The following EXT1 variants were observed in gnomAD, a reference collection of about 807,000 sequenced individuals.
The protein encoded by EXT1 is exostosin-1.
Under a neutral mutation model 82.5 loss-of-function variants are expected in EXT1, and 20 were observed. The observed-to-expected ratio is 0.24, with a 90% CI of 0.17 to 0.35. EXT1 has a LOEUF of 0.35. EXT1 is among the 10% of genes least tolerant of loss of function. EXT1 has a pLI of 1.00. For synonymous variants in EXT1, 348 were observed against 350.8 expected (o/e 0.99, Z 0.09); for missense variants, 757 against 936.5 (o/e 0.81, Z 2.50).
intron 1 of EXT1, among the ~76,000 whole-genome samples, chr8:117,930,093 G>A (rs1814023180): frequency 6.7e-6 from 1 of 149,206 alleles, no homozygotes; most frequent in Non-Finnish European, 1.5e-5. Context: ...AACAGAGAGA[G>A]ACTCCATCTC....
intron 9 of EXT1, among the ~76,000 whole-genome samples, chr8:117,806,284 T>C (rs796348345): frequency 6.6e-6 from 1 of 152,234 alleles, no homozygotes; most frequent in Non-Finnish European, 1.5e-5. Flanking sequence ...TTCTCCTCCC[T>C]GTTCAAACCC....
chr8:118,044,490 C>T (rs139792419), intron 1 of EXT1, among the ~76,000 whole-genome samples: 2 of 152,086 alleles, frequency 1.3e-5, no homozygotes, highest in African/African-American at 2.4e-5. Context: ...TCATTGCAAC[C>T]GCCACCTCCC....
chr8:117,811,340 C>T (rs559169894), intron 8 of EXT1, among the ~76,000 whole-genome samples: 10 of 152,280 alleles, frequency 6.6e-5, no homozygotes, highest in Admixed American at 3.9e-4. Context: ...TATTCCATAG[C>T]TGTCTTTCCC....
At chr8:117,827,383 T>C (rs976136385) in intron 4 of EXT1, among the ~76,000 whole-genome samples, 9 of 152,080 alleles carry the variant, frequency 5.9e-5, no homozygotes, top group African/African-American at 2.2e-4. Context: ...CACAATAGGA[T>C]GCATAATAGA....
chr8:118,059,294 T>C (rs1816845963), intron 1 of EXT1, among the ~76,000 whole-genome samples: 1 of 152,132 alleles, frequency 6.6e-6, no homozygotes, highest in South Asian at 2.1e-4. Flanking sequence ...AGCCAGGAAC[T>C]CTCATTTAAT....
In EXT1 at chr8:117,862,358, G is replaced by A. The variant is rs899919484; in HGVS notation, c.963-25157C>T. ...TTACAGAGATAGCCAAATGCAGAAG[G>A]TGAGGCTGCACCTCATCTCTAAAAG... On this transcript the variant is annotated intron_variant, in intron 1 of 10. Coordinates refer to ENST00000378204, the MANE Select transcript of EXT1 (RefSeq NM_000127.3). 1.4e-5 allele frequency among the ~76,000 whole-genome samples: 2 copies of A among 145,864 alleles called. 1 individual carries two copies. The highest frequency in any genetic ancestry group is 3.1e-5 in the Non-Finnish European group (2 of 64,886).
intron 1 of EXT1, among the ~76,000 whole-genome samples, chr8:118,098,690 C>T (rs187658065): frequency 3.4e-5 from 5 of 149,136 alleles, no homozygotes; most frequent in Non-Finnish European, 3.0e-5. Flanking sequence ...ACCCGGGAGG[C>T]GGAGCGTGCA....
chr8:117,974,653 G>C (rs958275702), intron 1 of EXT1, among the ~76,000 whole-genome samples: 2 of 152,088 alleles, frequency 1.3e-5, no homozygotes, highest in Non-Finnish European at 1.5e-5. Flanking sequence ...TTTTTATAGA[G>C]ACAGGGTTTC....
chr8:118,024,221 T>C (rs1357708316), intron 1 of EXT1, among the ~76,000 whole-genome samples: 1 of 152,204 alleles, frequency 6.6e-6, no homozygotes, highest in East Asian at 1.9e-4. Context: ...CCTTAATAAC[T>C]GCCAAGATTT....
At chr8:118,026,659 G>A (rs1816207909) in intron 1 of EXT1, among the ~76,000 whole-genome samples, 1 of 152,086 alleles carries the variant, frequency 6.6e-6, no homozygotes, top group Non-Finnish European at 1.5e-5. Flanking sequence ...CACAAATGCT[G>A]CTATAGTCAA....
Position 118,003,021 on chromosome 8 carries a change from G to GTA in EXT1, c.962+107062_962+107063dup, listed in dbSNP as rs113411522. Among the ~76,000 whole-genome samples the GTA allele has an allele frequency of 5.1e-3, 774 of 150,764 alleles. 5 individuals carry two copies. The highest frequency in any genetic ancestry group is 9.6e-3 in the South Asian group (46 of 4,790). ...CGAGTGGATAAAATGTTTTATATGT[G>GTA]TATATATATATATACACACACATAT... On this transcript the variant is annotated intron_variant, in intron 1 of 10. Coordinates refer to ENST00000378204, the MANE Select transcript of EXT1 (RefSeq NM_000127.3).
At chr8:118,000,094 C>A (rs144204197) in intron 1 of EXT1, among the ~76,000 whole-genome samples, 7 of 152,196 alleles carry the variant, frequency 4.6e-5, no homozygotes, top group East Asian at 1.9e-4. Flanking sequence ...CAAGCCCATG[C>A]GAGGTAAACT....
intron 1 of EXT1, among the ~76,000 whole-genome samples, chr8:117,889,457 A>T (rs1270014749): frequency 6.6e-6 from 1 of 152,186 alleles, no homozygotes; most frequent in East Asian, 1.9e-4. Context: ...TATAAGCACT[A>T]GACCATATTT....
At chr8:118,072,618 A>C (rs1323299997) in intron 1 of EXT1, among the ~76,000 whole-genome samples, 1 of 152,232 alleles carries the variant, frequency 6.6e-6, no homozygotes, top group Non-Finnish European at 1.5e-5. Flanking sequence ...ATAGGATGAG[A>C]TCGAAAGCAA....
chr8:117,879,484 T>C (rs1813025728), intron 1 of EXT1, among the ~76,000 whole-genome samples: 1 of 152,130 alleles, frequency 6.6e-6, no homozygotes, highest in Non-Finnish European at 1.5e-5. Flanking sequence ...CTACATTCTA[T>C]ATTTTATTTT....
chr8:117,993,327 T>C (rs1312867582), intron 1 of EXT1, among the ~76,000 whole-genome samples: 1 of 152,194 alleles, frequency 6.6e-6, no homozygotes, highest in Admixed American at 6.5e-5. Context: ...AACACTAGCA[T>C]TTCTCCAACT....
chr8:118,047,982 T>C (rs191861150), intron 1 of EXT1, among the ~76,000 whole-genome samples: 5 of 150,916 alleles, frequency 3.3e-5, no homozygotes, highest in South Asian at 2.1e-4. Flanking sequence ...GCAGAGATCA[T>C]ACCACTGCAC....
At chr8:118,016,301 G>C (rs17453791) in intron 1 of EXT1, among the ~76,000 whole-genome samples, 4,651 of 152,332 alleles carry the variant, frequency 0.031, 72 homozygotes, top group Non-Finnish European at 0.038. Flanking sequence ...GGAGAGGCAT[G>C]AGAATCTCTT....
At chr8:118,010,795 C>T (rs1380337299) in intron 1 of EXT1, among the ~76,000 whole-genome samples, 1 of 152,208 alleles carries the variant, frequency 6.6e-6, no homozygotes, top group Admixed American at 6.5e-5. Context: ...TGGCTCACAT[C>T]TCACTCTTCC....
Sources: gnomAD v4.1 joint callset for allele counts (sites outside exome capture counted in the v4.1 genomes callset) on GRCh38, gnomAD v4.1.1 for gene constraint, MANE v1.5 for transcripts, NCBI Gene and HGNC (gene_info 2026-07-23, HGNC 2026-07-21) for gene names.